Variants in CCDC201 observed in about 807,000 individuals in gnomAD.
CCDC201 encodes the protein coiled-coil domain containing 201, also known as coiled-coil domain-containing protein 201.
At chr7:45,868,502 C>T (rs1334922993) in intron 1 of CCDC201, among the ~76,000 whole-genome samples, 1 of 152,084 alleles carries the variant, frequency 6.6e-6, no homozygotes, top group African/African-American at 2.4e-5. Context: ...GACTGGCTGA[C>T]ATAGAAGAGA....
upstream of CCDC201, among the ~76,000 whole-genome samples, chr7:45,877,384 C>T (rs569276050): frequency 1.3e-5 from 2 of 152,286 alleles, no homozygotes; most frequent in South Asian, 4.1e-4. Flanking sequence ...CTTTGTAAAG[C>T]ACCACAAGGC....
At chr7:45,873,680 G>A (rs1006500787), upstream of CCDC201, among the ~76,000 whole-genome samples, 4 of 152,180 alleles carry the variant, frequency 2.6e-5, no homozygotes, top group Non-Finnish European at 4.4e-5. Context: ...AAGGCAACAC[G>A]TGCCACAGAG....
At chr7:45,881,290 G>A in the CCDC201 span, among the ~76,000 whole-genome samples, 288 of 152,242 alleles carry the variant, frequency 1.9e-3, 16 homozygotes, top group South Asian at 0.059. Context: ...CCCAGCTGCA[G>A]CAATGATAGC....
upstream of CCDC201, among the ~76,000 whole-genome samples, chr7:45,878,079 G>A (rs1159415443): frequency 6.6e-6 from 1 of 152,210 alleles, no homozygotes; most frequent in Non-Finnish European, 1.5e-5. Context: ...AAATCTTAAA[G>A]CTCCAAAACA....
upstream of CCDC201, among the ~76,000 whole-genome samples, chr7:45,875,439 C>CAAAAAA (rs34636507): frequency 9.5e-6 from 1 of 104,932 alleles, no homozygotes; most frequent in Non-Finnish European, 2.0e-5. Flanking sequence ...AGGCTTCAGT[C>CAAAAAA]AAAAAAAAAA....
At chr7:45,861,600 A>G (rs961119865) in exon 3 of CCDC201, 2 of 152,228 alleles carry the variant, frequency 1.3e-5, no homozygotes, top group African/African-American at 4.8e-5. Flanking sequence ...ATTATTGATC[A>G]GGAATATTTT....
At chr7:45,883,077 G>A in the CCDC201 span, among the ~76,000 whole-genome samples, 2 of 152,202 alleles carry the variant, frequency 1.3e-5, no homozygotes, top group African/African-American at 2.4e-5. Context: ...CATGAGGTAT[G>A]CCCAGTATAG....
intron 2 of CCDC201, among the ~76,000 whole-genome samples, chr7:45,865,197 G>A (rs972145043): frequency 6.6e-6 from 1 of 152,242 alleles, no homozygotes; most frequent in Non-Finnish European, 1.5e-5. Context: ...CCAGGAGAGG[G>A]CCAGGGCACC....
the CCDC201 span, among the ~76,000 whole-genome samples, chr7:45,878,517 C>T: frequency 2.0e-5 from 3 of 152,246 alleles, no homozygotes; most frequent in Non-Finnish European, 2.9e-5. Context: ...CCCAACACCA[C>T]GTGGAAGCCA....
chr7:45,868,084 C>A (rs1423266629), intron 1 of CCDC201, among the ~76,000 whole-genome samples: 3 of 152,212 alleles, frequency 2.0e-5, no homozygotes, highest in Admixed American at 2.0e-4. Flanking sequence ...GGAGCAGCCT[C>A]TCTGGGAAGT....
At chr7:45,881,078 C>T in the CCDC201 span, among the ~76,000 whole-genome samples, 6 of 152,220 alleles carry the variant, frequency 3.9e-5, no homozygotes, top group East Asian at 1.9e-4. Flanking sequence ...CCACATCTAA[C>T]GTAGTACAGT....
upstream of CCDC201, among the ~76,000 whole-genome samples, chr7:45,875,923 G>A (rs184725912): frequency 3.0e-4 from 46 of 152,344 alleles, no homozygotes; most frequent in East Asian, 8.3e-3. Flanking sequence ...CACATGACAA[G>A]TATTTGTCAG....
At chr7:45,882,882 A>G in the CCDC201 span, among the ~76,000 whole-genome samples, 604 of 152,322 alleles carry the variant, frequency 4.0e-3, 3 homozygotes, top group African/African-American at 0.014. Context: ...ACAACTGTTC[A>G]TCCCTGCCTC....
At chr7:45,870,982 A>T (rs1156304740) in intron 1 of CCDC201, among the ~76,000 whole-genome samples, 1 of 152,244 alleles carries the variant, frequency 6.6e-6, no homozygotes, top group African/African-American at 2.4e-5. Context: ...GCAAGGTAAC[A>T]TTAAGTATAT....
intron 2 of CCDC201, among the ~76,000 whole-genome samples, chr7:45,864,790 T>C (rs191996454): frequency 3.3e-5 from 5 of 151,970 alleles, no homozygotes; most frequent in African/African-American, 1.2e-4. Flanking sequence ...TCCTAAAAAG[T>C]AGAAGAAAGG....
chr7:45,883,985 T>TTTTC, the CCDC201 span, among the ~76,000 whole-genome samples: 21 of 148,544 alleles, frequency 1.4e-4, no homozygotes, highest in African/African-American at 5.1e-4. Flanking sequence ...CTTTCTTTTC[T>TTTTC]TTTCTTTCTT....
At chr7:45,870,834 A>T (rs1786735268) in intron 1 of CCDC201, among the ~76,000 whole-genome samples, 1 of 152,202 alleles carries the variant, frequency 6.6e-6, no homozygotes, top group African/African-American at 2.4e-5. Context: ...CCCATAGAAG[A>T]TTATCTTGTT....
upstream of CCDC201, among the ~76,000 whole-genome samples, chr7:45,873,615 C>G (rs549310224): frequency 2.0e-5 from 3 of 152,194 alleles, no homozygotes; most frequent in African/African-American, 4.8e-5. Flanking sequence ...TATCACCTAA[C>G]GACTCCCAGG....
chr7:45,865,703 G>A (rs1481317180), intron 2 of CCDC201, among the ~76,000 whole-genome samples: 1 of 152,226 alleles, frequency 6.6e-6, no homozygotes, highest in Non-Finnish European at 1.5e-5. Flanking sequence ...CCAGCCAGCG[G>A]CAGCCTGGGT....
Sources: allele counts gnomAD v4.1 joint callset (sites outside exome capture counted in the v4.1 genomes callset), GRCh38; gene constraint gnomAD v4.1.1; transcripts MANE v1.5; gene names NCBI Gene and HGNC (gene_info 2026-07-23, HGNC 2026-07-21).